Variants in CEP120 observed in about 807,000 individuals in gnomAD.
CEP120 encodes the protein centrosomal protein of 120 kDa.
CEP120 carries 113 observed loss-of-function variants against 126.5 expected under a neutral mutation model. The observed-to-expected ratio is 0.89, with a 90% CI of 0.77 to 1.04. The LOEUF (loss-of-function observed/expected upper bound fraction) is 1.04. Among genes scored for constraint, CEP120 ranks in the 50% least tolerant of loss-of-function variants. CEP120 has a pLI of 0.00. For missense variants in CEP120, 1,230 were observed against 1,155.7 expected, an observed-to-expected ratio of 1.06 and a Z score of -0.93; for synonymous variants, 400 against 394.3, an observed-to-expected ratio of 1.01 and a Z score of -0.17.
At chr5:123,401,566 G>C in intron 4 of CEP120, 1 of 1,365,274 alleles carries the variant, frequency 7.3e-7, no homozygotes, top group South Asian at 1.2e-5. Flanking sequence ...CCTCAGCGAT[G>C]ACGCTGTTCA....
chr5:123,371,049 C>T (rs1172827420), intron 17 of CEP120, among the ~76,000 whole-genome samples: 3 of 151,902 alleles, frequency 2.0e-5, no homozygotes, highest in Non-Finnish European at 4.4e-5. Flanking sequence ...AAGACATTCC[C>T]CCATATGGCC....
At chr5:123,389,207 A>G (rs1772221981) in intron 8 of CEP120, among the ~76,000 whole-genome samples, 1 of 152,186 alleles carries the variant, frequency 6.6e-6, no homozygotes, top group Admixed American at 6.5e-5. Context: ...ATTTTATTAA[A>G]TCAGATAAAT....
intron 4 of CEP120, chr5:123,403,727 G>C (rs7715577): frequency 0.42 from 175,966 of 415,250 alleles, 37,755 homozygotes; most frequent in Middle Eastern, 0.48. Context: ...CGTGGCATCT[G>C]TTCGATGATA....
At chr5:123,368,936 A>G (rs572912708) in intron 17 of CEP120, among the ~76,000 whole-genome samples, 1 of 151,868 alleles carries the variant, frequency 6.6e-6, no homozygotes, top group Non-Finnish European at 1.5e-5. Flanking sequence ...GAAAATGGTT[A>G]TTTTTCATAA....
chr5:123,408,435 G>A (rs977397270), intron 4 of CEP120, among the ~76,000 whole-genome samples: 2 of 151,044 alleles, frequency 1.3e-5, no homozygotes, highest in Non-Finnish European at 2.9e-5. Flanking sequence ...ATGAAAGATG[G>A]GATCACTACA....
intron 4 of CEP120, among the ~76,000 whole-genome samples, chr5:123,400,570 A>G (rs906271816): frequency 6.6e-6 from 1 of 151,790 alleles, no homozygotes; most frequent in Non-Finnish European, 1.5e-5. Context: ...TGAAGCGTCT[A>G]TATACATATA....
rs556099486 is a variant in CEP120, at chr5:123,415,458, G to C, written c.321+552C>G. ...CAGGGGCTAGGCATGTTAAGCTTCC[G>C]GTAATAGCAACTTGGATACAAGTCA... is the stretch of plus-strand genomic sequence containing the variant. On this transcript the variant is annotated intron_variant, in intron 3 of 19. Transcript: ENST00000306467. Among the ~76,000 whole-genome samples, 4 of 152,216 alleles carry C rather than the reference G, an allele frequency of 2.6e-5. No homozygotes were observed. In the East Asian group the frequency reaches 7.7e-4, roughly 29 times the overall value.
Position 123,382,104 on chromosome 5 carries a change from T to C in CEP120, c.2103+7A>G, listed in dbSNP as rs764744920. 1.5e-5 allele frequency: 23 copies of C among 1,567,918 alleles called. No homozygotes were observed. The highest frequency in any genetic ancestry group is 1.8e-5 in the Non-Finnish European group (21 of 1,143,792). ...CTTCTCTTCCTCACTTTTACACAAGTTATTACCTTTTTCTTTACTAGTGAT... is the reference window on the plus strand; with the variant it reads ...CTTCTCTTCCTCACTTTTACACAAGCTATTACCTTTTTCTTTACTAGTGAT... On this transcript the variant is annotated splice_region_variant and intron_variant, in intron 14 of 19. Transcript: ENST00000306467.
intron 16 of CEP120, among the ~76,000 whole-genome samples, chr5:123,374,467 C>T (rs1208515996): frequency 6.6e-6 from 1 of 151,910 alleles, no homozygotes; most frequent in African/African-American, 2.4e-5. Flanking sequence ...CGAAGATGTT[C>T]TTTTTTGAAT....
At chr5:123,346,938 T>C (rs987597560) in intron 19 of CEP120, among the ~76,000 whole-genome samples, 185 bp from the exon 20 acceptor site, 1 of 152,198 alleles carries the variant, frequency 6.6e-6, no homozygotes, top group Non-Finnish European at 1.5e-5. Context: ...AAGGCAACTT[T>C]AAAAACAATA....
At position 123,346,421 on chromosome 5, in the gene CEP120, A is replaced by G; in HGVS notation, c.*98T>C. ...AAAATTTTGCTTATAAAAAATTGAA[A>G]ATACCATTTTAAAACATCCATTTTC... On this transcript the variant is annotated 3_prime_UTR_variant, in exon 20 of 20. Transcript: ENST00000306467. The G allele has an allele frequency of 1.1e-6, 1 of 911,112 alleles. No individual in the cohort carries two copies. Among genetic ancestry groups the G allele is most frequent in the Non-Finnish European group, 1.6e-6 (1 of 615,870 alleles). 56.4% of individuals were successfully genotyped at this position (911,112 alleles called of 1,614,324 possible). A position where few individuals can be genotyped will look rare whatever the true frequency, so the allele number is the denominator to read the frequency against.
Position 123,382,142 on chromosome 5 carries a change from T to A in CEP120, c.2072A>T (p.Asp691Val). ...CTTTACTAGTGATTCTCTTTCTCGG[T>A]CCCTTTTCTTCCATTCCTCTGCAAG... ...QALAEEWKKR[D>V]RERESLVKKK... Residue 691 changes from aspartate to valine, a missense_variant, in exon 14 of 20, where the codon GAC (aspartate) becomes GTC (valine). Physicochemically the swap from Asp to Val is radical, Grantham distance 152. Coordinates refer to ENST00000306467, the MANE Select transcript of CEP120 (RefSeq NM_001375405.1). 1 of 1,609,022 alleles carries A rather than the reference T, an allele frequency of 6.2e-7. No individual in the cohort carries two copies. Among genetic ancestry groups the A allele is most frequent in the Non-Finnish European group, 8.5e-7 (1 of 1,177,470 alleles).
rs1224838538 is a variant in CEP120 at position 123,386,679 on chromosome 5, A to T, written c.1431-12T>A. 60 of 1,021,386 alleles carry T rather than the reference A, an allele frequency of 5.9e-5. 1 individual carries two copies. In the African/African-American group the frequency reaches 7.5e-4, roughly 13 times the overall value. The allele number at this position is 1,021,386 out of a possible 1,614,324, so 63.3% of individuals were successfully genotyped here. A position where few individuals can be genotyped will look rare whatever the true frequency, so the allele number is the denominator to read the frequency against. The stretch of plus-strand genomic sequence containing the variant: ...ATGGATATGAGTACCTAGAATTTAA[A>T]AAAAAAAAAAAAAAAAAAAGCCTTA... On this transcript the variant is annotated splice_polypyrimidine_tract_variant and intron_variant, in intron 9 of 19. Transcript: ENST00000306467.
At chr5:123,405,337 C>T (rs1288639495) in intron 4 of CEP120, among the ~76,000 whole-genome samples, 1 of 152,202 alleles carries the variant, frequency 6.6e-6, no homozygotes, top group Non-Finnish European at 1.5e-5. Flanking sequence ...GGGAGCTCTA[C>T]CAGGTCCTCA....
chr5:123,376,080 A>C (rs1771200185), intron 16 of CEP120, among the ~76,000 whole-genome samples: 1 of 152,104 alleles, frequency 6.6e-6, no homozygotes, highest in Admixed American at 6.6e-5. Context: ...ATAAACCAGA[A>C]CAGTTTTTAT....
intron 18 of CEP120, among the ~76,000 whole-genome samples, chr5:123,351,879 C>G (rs1769222514): frequency 6.6e-6 from 1 of 152,098 alleles, no homozygotes; most frequent in African/African-American, 2.4e-5. Context: ...GATGTTCAAC[C>G]TGTATTTCCA....
rs533969303 is a variant in CEP120 at position 123,421,484 on chromosome 5, C to A, written c.49+1466G>T. ...TTTTCTGCTGCTCTAAAACTAGCTT[C>A]CCCAAATGAATTGCATTTATGTCCT... On this transcript the variant is annotated intron_variant, in intron 1 of 19. Transcript: ENST00000306467. Among the ~76,000 whole-genome samples, 30 of 152,306 alleles carry A rather than the reference C, an allele frequency of 2.0e-4. No individual in the cohort carries two copies. The South Asian group carries it at 2.5e-3, about 13-fold the overall frequency.
intron 5 of CEP120, among the ~76,000 whole-genome samples, chr5:123,396,271 G>A (rs1392566998): frequency 1.6e-4 from 24 of 152,148 alleles, no homozygotes; most frequent in Admixed American, 1.6e-3. Context: ...CTCACATACA[G>A]ATTTTTATTT....
At chr5:123,371,325 G>A (rs1032687564) in intron 17 of CEP120, among the ~76,000 whole-genome samples, 4 of 152,180 alleles carry the variant, frequency 2.6e-5, no homozygotes, top group East Asian at 1.9e-4. Context: ...AAGGCAAGGA[G>A]GAGCAAGTCA....
Sources: gnomAD v4.1 joint callset for allele counts (sites outside exome capture counted in the v4.1 genomes callset) on GRCh38, gnomAD v4.1.1 for gene constraint, MANE v1.5 for transcripts, NCBI Gene and HGNC (gene_info 2026-07-23, HGNC 2026-07-21) for gene names.